Variants in RBMS2 observed in about 807,000 individuals in gnomAD.
The protein encoded by RBMS2 is RNA-binding motif, single-stranded-interacting protein 2.
A neutral mutation model predicts 58.4 loss-of-function variants in RBMS2; 38 were observed. The ratio of observed to expected loss-of-function variants is 0.65; its 90% CI spans 0.50 to 0.85. The LOEUF (loss-of-function observed/expected upper bound fraction) is 0.85. Among genes scored for constraint, RBMS2 ranks in the 40% least tolerant of loss-of-function variants. RBMS2 has a pLI of 0.00. For synonymous variants in RBMS2, 151 were observed against 180.7 expected, an observed-to-expected ratio of 0.84 and a Z score of 1.32; for missense variants, 367 against 503.7, an observed-to-expected ratio of 0.73 and a Z score of 2.60.
At chr12:56,540,339 A>G (rs1875839357) in intron 1 of RBMS2, among the ~76,000 whole-genome samples, 1 of 152,040 alleles carries the variant, frequency 6.6e-6, no homozygotes, top group Admixed American at 6.6e-5. Context: ...GTATGTATGT[A>G]TTTATGTATT....
chr12:56,571,151 C>T (rs1490619766), intron 4 of RBMS2, among the ~76,000 whole-genome samples: 1 of 152,178 alleles, frequency 6.6e-6, no homozygotes, highest in Non-Finnish European at 1.5e-5. Flanking sequence ...GACAAAAGCT[C>T]AAAGGTTTAG....
intron 1 of RBMS2, chr12:56,539,854 A>C: frequency 3.9e-6 from 1 of 258,628 alleles, no homozygotes; most frequent in Non-Finnish European, 7.8e-6. Flanking sequence ...AACCTTCTAA[A>C]AACTGAGAGG....
intron 1 of RBMS2, among the ~76,000 whole-genome samples, chr12:56,535,632 C>T (rs967517807): frequency 3.9e-5 from 6 of 152,064 alleles, no homozygotes; most frequent in Admixed American, 6.6e-5. Flanking sequence ...TAACATTACA[C>T]CTGACACCTC....
At chr12:56,572,930 G>A (rs1882532764) in intron 5 of RBMS2, 1 of 985,120 alleles carries the variant, frequency 1.0e-6, no homozygotes, top group Non-Finnish European at 1.2e-6. Context: ...AGTTTTCCCA[G>A]GTGCCCTTCT....
At chr12:56,586,011 C>T (rs1240010532) in intron 9 of RBMS2, among the ~76,000 whole-genome samples, 1 of 151,566 alleles carries the variant, frequency 6.6e-6, no homozygotes, top group Non-Finnish European at 1.5e-5. Context: ...GGCGAAACCC[C>T]GTCTCTACAA....
At chr12:56,526,180 G>A (rs1201611382) in intron 1 of RBMS2, among the ~76,000 whole-genome samples, 2 of 151,652 alleles carry the variant, frequency 1.3e-5, no homozygotes, top group African/African-American at 2.4e-5. Context: ...GGTGGTGCAC[G>A]CCTGTAGTCC....
chr12:56,557,196 T>G (rs1445192207), intron 1 of RBMS2, among the ~76,000 whole-genome samples: 1 of 152,190 alleles, frequency 6.6e-6, no homozygotes, highest in East Asian at 1.9e-4. Context: ...CCGGTAAGAA[T>G]ATGTCAGTTC....
intron 1 of RBMS2, among the ~76,000 whole-genome samples, chr12:56,533,782 A>G (rs988565191): frequency 3.9e-5 from 6 of 152,108 alleles, no homozygotes; most frequent in Admixed American, 3.3e-4. Context: ...GTTTACTTCT[A>G]TACTGCCATT....
At chr12:56,543,228 A>C (rs537649793) in intron 1 of RBMS2, among the ~76,000 whole-genome samples, 4 of 148,438 alleles carry the variant, frequency 2.7e-5, no homozygotes, top group East Asian at 4.5e-4. Flanking sequence ...CACGCCTGTA[A>C]TCCCAACACT....
intron 1 of RBMS2, among the ~76,000 whole-genome samples, chr12:56,533,186 G>C (rs779418261): frequency 6.6e-6 from 1 of 151,830 alleles, no homozygotes; most frequent in Non-Finnish European, 1.5e-5. Flanking sequence ...GTGCAGCCTG[G>C]AACTCCTGGG....
intron 1 of RBMS2, among the ~76,000 whole-genome samples, chr12:56,551,897 G>T (rs947847456): frequency 6.6e-6 from 1 of 152,180 alleles, no homozygotes; most frequent in Non-Finnish European, 1.5e-5. Context: ...AGACCAGCCT[G>T]GCCAACATGG....
In RBMS2 at chr12:56,592,481, T is replaced by C. The variant is rs1005559482; in HGVS notation, c.*3348T>C. The stretch of plus-strand genomic sequence containing the variant: ...GGTGCCAGTAGAGAGGTCAGGAAGA[T>C]GTGGAGATGATGATGGAGAGAGATG... On this transcript the variant is annotated 3_prime_UTR_variant, in exon 14 of 14. Transcript: ENST00000262031. 2.0e-5 allele frequency: 3 copies of C among 152,156 alleles called. No individual in the cohort carries two copies. Among genetic ancestry groups the C allele is most frequent in the African/African-American group, 7.2e-5 (3 of 41,386 alleles). 9.4% of individuals were successfully genotyped at this position (152,156 alleles called of 1,614,324 possible). A position where few individuals can be genotyped will look rare whatever the true frequency, so the allele number is the denominator to read the frequency against.
At chr12:56,586,778 G>T in intron 9 of RBMS2, 71 bp from the exon 10 acceptor site, 1 of 1,323,200 alleles carries the variant, frequency 7.6e-7, no homozygotes, top group Non-Finnish European at 1.1e-6. Context: ...GAGCTTTGTT[G>T]AACATTATTA....
At chr12:56,526,826 A>T (rs189899142) in intron 1 of RBMS2, among the ~76,000 whole-genome samples, 1 of 152,248 alleles carries the variant, frequency 6.6e-6, no homozygotes, top group African/African-American at 2.4e-5. Context: ...TAAAGGGCCT[A>T]ACCACGCCTT....
At chr12:56,588,837 G>A in intron 12 of RBMS2, 95 bp from the exon 13 acceptor site, 1 of 1,165,308 alleles carries the variant, frequency 8.6e-7, no homozygotes. Flanking sequence ...AGGTTTGGGA[G>A]GGCACTCGAT....
At chr12:56,572,319 A>G (rs1216930239) in intron 5 of RBMS2, among the ~76,000 whole-genome samples, 1 of 146,078 alleles carries the variant, frequency 6.8e-6, no homozygotes, top group Non-Finnish European at 1.5e-5. Context: ...GGTTCATTTT[A>G]TTATAGGTTA....
intron 1 of RBMS2, among the ~76,000 whole-genome samples, chr12:56,558,282 A>ACG (rs112673010): frequency 1.2e-5 from 1 of 84,542 alleles, no homozygotes; most frequent in African/African-American, 4.5e-5. Context: ...TCTTGACCTC[A>ACG]TGATCCGCCA....
chr12:56,586,775 G>A, intron 9 of RBMS2, 74 bp from the exon 10 acceptor site: 1 of 1,313,822 alleles, frequency 7.6e-7, no homozygotes. Flanking sequence ...TCTGAGCTTT[G>A]TTGAACATTA....
chr12:56,520,728 T>G (rs1213022635), upstream of RBMS2, among the ~76,000 whole-genome samples: 1 of 152,154 alleles, frequency 6.6e-6, no homozygotes, highest in Non-Finnish European at 1.5e-5. Context: ...ATATGCTTCT[T>G]AAGTATTTTT....
Sources: gnomAD v4.1 joint callset for allele counts (sites outside exome capture counted in the v4.1 genomes callset) on GRCh38, gnomAD v4.1.1 for gene constraint, MANE v1.5 for transcripts, NCBI Gene and HGNC (gene_info 2026-07-23, HGNC 2026-07-21) for gene names.